The following NRXN3 variants were observed in gnomAD, a reference collection of about 807,000 sequenced individuals.
NRXN3 encodes the protein neurexin 3.
NRXN3 carries 32 observed loss-of-function variants against 137.6 expected under a neutral mutation model. The ratio of observed to expected loss-of-function variants is 0.23; its 90% confidence interval spans 0.18 to 0.31. The LOEUF (loss-of-function observed/expected upper bound fraction) is 0.31, where lower values mean the gene tolerates loss of function less well. NRXN3 is among the 10% of genes least tolerant of loss of function. The pLI is 1.00. For missense variants in NRXN3, 1,574 were observed against 2,062.5 expected (o/e 0.76, Z 4.59); for synonymous variants, 798 against 784.5 (o/e 1.02, Z -0.29).
intron 10 of NRXN3, among the ~76,000 whole-genome samples, chr14:78,908,082 T>C (rs2099224189): frequency 1.3e-5 from 2 of 152,122 alleles, no homozygotes; most frequent in Admixed American, 1.3e-4. Flanking sequence ...TTTGTTATTG[T>C]GAACAGTGCT....
chr14:79,021,352 A>G (rs1344357346), intron 15 of NRXN3, among the ~76,000 whole-genome samples: 1 of 152,198 alleles, frequency 6.6e-6, no homozygotes, highest in East Asian at 1.9e-4. Context: ...TGGTTTTGAT[A>G]TGGAAGATGC....
chr14:79,120,593 G>A (rs2620398), intron 15 of NRXN3, among the ~76,000 whole-genome samples: 100,291 of 151,792 alleles, frequency 0.66, 33,563 homozygotes, highest in East Asian at 0.81. Flanking sequence ...TTCACCATGT[G>A]TACATATATG....
At chr14:78,250,773 C>T (rs994432655) in intron 2 of NRXN3, among the ~76,000 whole-genome samples, 2 of 152,158 alleles carry the variant, frequency 1.3e-5, no homozygotes, top group Admixed American at 6.5e-5. Context: ...CCCAGGCCCT[C>T]AATGTGGCAT....
At chr14:78,677,301 A>G (rs568555435) in intron 6 of NRXN3, among the ~76,000 whole-genome samples, 34 of 152,258 alleles carry the variant, frequency 2.2e-4, no homozygotes, top group Non-Finnish European at 1.5e-4. Flanking sequence ...GGAATTTGGA[A>G]GAAGTTGATT....
chr14:79,303,326 G>A (rs941482510), intron 15 of NRXN3, among the ~76,000 whole-genome samples: 3 of 152,032 alleles, frequency 2.0e-5, no homozygotes, highest in Non-Finnish European at 2.9e-5. Flanking sequence ...AAATCATGAA[G>A]CAATGCAGAC....
At chr14:79,279,639 G>A (rs1851595001) in intron 15 of NRXN3, 2 of 986,886 alleles carry the variant, frequency 2.0e-6, no homozygotes, top group African/African-American at 1.7e-5. Context: ...CATCCAGTTG[G>A]GAAACCCAGG....
At chr14:79,209,132 G>A (rs1423710278) in intron 15 of NRXN3, among the ~76,000 whole-genome samples, 2 of 152,066 alleles carry the variant, frequency 1.3e-5, no homozygotes, top group Non-Finnish European at 2.9e-5. Context: ...TAGAGATGGG[G>A]TTTCACCATG....
At chr14:78,469,097 A>G (rs1424573188) in intron 4 of NRXN3, among the ~76,000 whole-genome samples, 1 of 152,210 alleles carries the variant, frequency 6.6e-6, no homozygotes, top group Non-Finnish European at 1.5e-5. Context: ...ACACAATAAA[A>G]TCGCCTAAAG....
At chr14:79,759,468 C>T (rs868708672) in intron 19 of NRXN3, among the ~76,000 whole-genome samples, 1 of 151,286 alleles carries the variant, frequency 6.6e-6, no homozygotes, top group Non-Finnish European at 1.5e-5. Context: ...CTTACGTATA[C>T]TTCTATAAAA....
chr14:79,181,591 G>A (rs760992068), intron 15 of NRXN3, among the ~76,000 whole-genome samples: 24 of 148,258 alleles, frequency 1.6e-4, no homozygotes, highest in Non-Finnish European at 2.5e-4. Flanking sequence ...TGAAACACGA[G>A]AATCGCTTGA....
intron 10 of NRXN3, among the ~76,000 whole-genome samples, chr14:78,927,144 G>C (rs1310996514): frequency 1.2e-5 from 1 of 83,372 alleles, no homozygotes; most frequent in Non-Finnish European, 2.0e-5. Flanking sequence ...GTTGGAGTGA[G>C]ACCCTCAAAA....
chr14:79,044,421 A>G (rs1337831424), intron 15 of NRXN3, among the ~76,000 whole-genome samples: 1 of 152,172 alleles, frequency 6.6e-6, no homozygotes, highest in Non-Finnish European at 1.5e-5. Context: ...AGACCTTTAC[A>G]GTCTTAAGTC....
At chr14:78,375,093 C>A (rs1336750160) in intron 4 of NRXN3, among the ~76,000 whole-genome samples, 1 of 152,228 alleles carries the variant, frequency 6.6e-6, no homozygotes, top group Admixed American at 6.5e-5. Flanking sequence ...TTAGTTCATA[C>A]TTCATGGTAG....
At chr14:79,127,904 T>C (rs1251808271) in intron 15 of NRXN3, among the ~76,000 whole-genome samples, 6 of 151,126 alleles carry the variant, frequency 4.0e-5, no homozygotes, top group African/African-American at 1.2e-4. Flanking sequence ...CCCTTGTAAG[T>C]TGGATTCCTA....
chr14:78,322,030 C>T (rs74606328), intron 4 of NRXN3, among the ~76,000 whole-genome samples: 2,429 of 152,084 alleles, frequency 0.016, 99 homozygotes, highest in African/African-American at 0.055. Context: ...ACTCCCATTC[C>T]TTCCAAAATT....
At chr14:79,437,625 T>C (rs756293647) in intron 15 of NRXN3, among the ~76,000 whole-genome samples, 1 of 152,184 alleles carries the variant, frequency 6.6e-6, no homozygotes, top group South Asian at 2.1e-4. Flanking sequence ...AACAGAACTG[T>C]GCTCCTGAAC....
At chr14:78,455,165 A>G (rs191260114) in intron 4 of NRXN3, among the ~76,000 whole-genome samples, 1 of 152,314 alleles carries the variant, frequency 6.6e-6, no homozygotes, top group East Asian at 1.9e-4. Context: ...TCGCAACTGC[A>G]CTGCACCCCC....
At chr14:79,441,383 T>C (rs1345616619) in intron 15 of NRXN3, among the ~76,000 whole-genome samples, 10 of 133,956 alleles carry the variant, frequency 7.5e-5, no homozygotes, top group Admixed American at 5.3e-4. Flanking sequence ...TTTTTTTTTT[T>C]TTTTTTTTTT....
At chr14:78,679,059 A>G (rs79315371) in intron 6 of NRXN3, among the ~76,000 whole-genome samples, 11,485 of 152,256 alleles carry the variant, frequency 0.075, 572 homozygotes, top group Non-Finnish European at 0.12. Flanking sequence ...AACACAACCA[A>G]ACCCTCAAAG....
Sources: allele counts gnomAD v4.1 joint callset (sites outside exome capture counted in the v4.1 genomes callset), GRCh38; gene constraint gnomAD v4.1.1; transcripts MANE v1.5; gene names NCBI Gene and HGNC (gene_info 2026-07-23, HGNC 2026-07-21).